The following ADAMTSL1 variants were observed in gnomAD, a reference collection of about 807,000 sequenced individuals.
The protein encoded by ADAMTSL1 is ADAMTS like 1, also known as ADAMTS-like protein 1.
A neutral mutation model predicts 201.8 loss-of-function variants in ADAMTSL1; 126 were observed. The ratio of observed to expected loss-of-function variants is 0.62; its 90% CI spans 0.54 to 0.72. ADAMTSL1 has a LOEUF of 0.72. Ranked by LOEUF, ADAMTSL1 falls within the 30% of genes least tolerant of loss-of-function variation. ADAMTSL1 has a pLI of 0.00. For missense variants in ADAMTSL1, 2,679 were observed against 2,277.8 expected, an observed-to-expected ratio of 1.18 and a Z score of -3.59; for synonymous variants, 1,121 against 903.4, an observed-to-expected ratio of 1.24 and a Z score of -4.32.
intron 1 of ADAMTSL1, among the ~76,000 whole-genome samples, chr9:17,959,199 T>A (rs1817619666): frequency 6.6e-6 from 1 of 152,184 alleles, no homozygotes; most frequent in African/African-American, 2.4e-5. Context: ...AAAGTTAAAT[T>A]TGTGCCTAGA....
intron 1 of ADAMTSL1, among the ~76,000 whole-genome samples, chr9:18,094,821 C>T (rs549025789): frequency 1.3e-4 from 20 of 150,890 alleles, no homozygotes; most frequent in Non-Finnish European, 2.7e-4. Flanking sequence ...CCGCCTCAGC[C>T]TCCCAAAGTA....
chr9:18,359,270 C>T (rs532116615), intron 2 of ADAMTSL1, among the ~76,000 whole-genome samples: 1 of 152,268 alleles, frequency 6.6e-6, no homozygotes, highest in East Asian at 1.9e-4. Context: ...TGGATCCCTT[C>T]AGCCTCCATC....
At chr9:18,269,823 G>A (rs920720073) in intron 2 of ADAMTSL1, among the ~76,000 whole-genome samples, 3 of 146,928 alleles carry the variant, frequency 2.0e-5, no homozygotes, top group Non-Finnish European at 4.5e-5. Flanking sequence ...AAACTCTGCA[G>A]AGAGTTTGTT....
intron 3 of ADAMTSL1, among the ~76,000 whole-genome samples, chr9:18,571,575 A>G (rs890297884): frequency 6.6e-6 from 1 of 152,182 alleles, no homozygotes; most frequent in Non-Finnish European, 1.5e-5. Flanking sequence ...GCTCCCATTC[A>G]ATGACCAGGA....
At chr9:18,374,660 A>G (rs1323168278) in intron 2 of ADAMTSL1, among the ~76,000 whole-genome samples, 1 of 152,150 alleles carries the variant, frequency 6.6e-6, no homozygotes, top group Non-Finnish European at 1.5e-5. Flanking sequence ...TTTAAACATT[A>G]TTCCTGTTTC....
At chr9:18,667,866 C>T (rs1829552296) in intron 9 of ADAMTSL1, among the ~76,000 whole-genome samples, 2 of 152,114 alleles carry the variant, frequency 1.3e-5, no homozygotes, top group Non-Finnish European at 2.9e-5. Flanking sequence ...AAAATATGAT[C>T]TTGAGAGTAA....
At chr9:18,063,456 C>G (rs777657043) in intron 1 of ADAMTSL1, among the ~76,000 whole-genome samples, 3 of 152,254 alleles carry the variant, frequency 2.0e-5, no homozygotes, top group Non-Finnish European at 2.9e-5. Flanking sequence ...AAATGAATAA[C>G]TTAAATCTCT....
chr9:18,090,012 T>A (rs772843470), intron 1 of ADAMTSL1, among the ~76,000 whole-genome samples: 24 of 152,192 alleles, frequency 1.6e-4, no homozygotes, highest in African/African-American at 5.8e-4. Flanking sequence ...GTTACAGTGT[T>A]TTAGCATTTG....
At chr9:18,539,879 A>T (rs1307979853) in intron 3 of ADAMTSL1, among the ~76,000 whole-genome samples, 4 of 152,226 alleles carry the variant, frequency 2.6e-5, no homozygotes, top group Non-Finnish European at 5.9e-5. Flanking sequence ...ACTGCTTAAT[A>T]AATGGAATTG....
chr9:17,932,848 A>T (rs1321817881), intron 1 of ADAMTSL1, among the ~76,000 whole-genome samples: 1 of 152,184 alleles, frequency 6.6e-6, no homozygotes, highest in African/African-American at 2.4e-5. Context: ...AGGAATCCAT[A>T]ATCTAGATAG....
intron 3 of ADAMTSL1, among the ~76,000 whole-genome samples, chr9:18,539,293 G>A (rs1255552489): frequency 3.3e-5 from 5 of 152,204 alleles, no homozygotes; most frequent in Non-Finnish European, 7.3e-5. Context: ...GCCCTTGGGG[G>A]AAGTCAGAGG....
chr9:18,575,299 T>C (rs971258863), intron 4 of ADAMTSL1, among the ~76,000 whole-genome samples: 4 of 152,188 alleles, frequency 2.6e-5, no homozygotes, highest in African/African-American at 9.6e-5. Flanking sequence ...ATAGTCAACC[T>C]TCCTAAAGTT....
At chr9:18,175,062 T>C (rs928888222) in intron 2 of ADAMTSL1, among the ~76,000 whole-genome samples, 3 of 152,200 alleles carry the variant, frequency 2.0e-5, no homozygotes, top group Non-Finnish European at 2.9e-5. Context: ...ACACCAACTT[T>C]GAAAATGTGG....
At chr9:18,906,639 C>G in intron 27 of ADAMTSL1, 53 bp from the exon 28 acceptor site, 1 of 1,424,962 alleles carries the variant, frequency 7.0e-7, no homozygotes, top group Non-Finnish European at 9.4e-7. Flanking sequence ...CACATCTGCC[C>G]TGATTCAGCC....
At chr9:18,893,465 T>C (rs1358045211) in intron 26 of ADAMTSL1, among the ~76,000 whole-genome samples, 1 of 152,182 alleles carries the variant, frequency 6.6e-6, no homozygotes, top group Non-Finnish European at 1.5e-5. Flanking sequence ...TCCTCTTTTC[T>C]ACAACCCTCC....
chr9:18,164,996 G>A (rs925756626), intron 2 of ADAMTSL1, among the ~76,000 whole-genome samples: 1 of 151,824 alleles, frequency 6.6e-6, no homozygotes, highest in Non-Finnish European at 1.5e-5. Context: ...AATGGTGGTG[G>A]AGGTTCCCAA....
At chr9:18,171,526 T>A (rs947208676) in intron 2 of ADAMTSL1, among the ~76,000 whole-genome samples, 2 of 152,098 alleles carry the variant, frequency 1.3e-5, no homozygotes, top group African/African-American at 4.8e-5. Flanking sequence ...GCAATGTACA[T>A]AACTGGCAAA....
intron 1 of ADAMTSL1, among the ~76,000 whole-genome samples, chr9:17,950,994 C>T (rs1409326157): frequency 1.3e-5 from 2 of 152,134 alleles, no homozygotes; most frequent in Admixed American, 1.3e-4. Context: ...AGAGAGGCCT[C>T]ATACAAGCCA....
At chr9:18,854,359 G>A (rs920081119) in intron 23 of ADAMTSL1, among the ~76,000 whole-genome samples, 7 of 152,190 alleles carry the variant, frequency 4.6e-5, no homozygotes, top group African/African-American at 1.7e-4. Context: ...TTCTTGAAAG[G>A]AGAAAAAGAG....
Sources: gnomAD v4.1 joint callset for allele counts (sites outside exome capture counted in the v4.1 genomes callset) on GRCh38, gnomAD v4.1.1 for gene constraint, MANE v1.5 for transcripts, NCBI Gene and HGNC (gene_info 2026-07-23, HGNC 2026-07-21) for gene names.